The following SEC61A2 variants were observed in gnomAD, a reference collection of about 807,000 sequenced individuals.
SEC61A2 encodes protein transport protein Sec61 subunit alpha isoform 2.
SEC61A2 carries 28 observed loss-of-function variants against 59.9 expected under a neutral mutation model. The ratio of observed to expected loss-of-function variants is 0.47; its 90% CI spans 0.35 to 0.64. The LOEUF is 0.64. Among genes scored for constraint, SEC61A2 ranks in the 30% least tolerant of loss-of-function variants. The pLI, the probability that SEC61A2 is intolerant of heterozygous loss-of-function variation, is 0.01. For missense variants in SEC61A2, 340 were observed against 585.9 expected, an observed-to-expected ratio of 0.58 and a Z score of 4.33; for synonymous variants, 202 against 214.4, an observed-to-expected ratio of 0.94 and a Z score of 0.50.
At chr10:12,165,421 C>G (rs759453848), downstream of SEC61A2, 88 of 918,164 alleles carry the variant, frequency 9.6e-5, no homozygotes, top group Non-Finnish European at 1.1e-4. Flanking sequence ...TTTCTAAGAT[C>G]ATTTGTATAG....
intron 2 of SEC61A2, among the ~76,000 whole-genome samples, chr10:12,134,884 G>T (rs1209823874): frequency 6.6e-6 from 1 of 151,132 alleles, no homozygotes; most frequent in South Asian, 2.1e-4. Context: ...GCGCCACTGC[G>T]CTGCAGCCTG....
chr10:12,157,119 T>C, intron 8 of SEC61A2, 52 bp downstream of exon 8: 1 of 1,546,046 alleles, frequency 6.5e-7, no homozygotes, highest in Non-Finnish European at 8.9e-7. Context: ...TTTATTTTGC[T>C]CTTAAAGAGA....
rs1336018945 is a variant in SEC61A2, at chr10:12,143,076, A to C, written c.142-41A>C. The stretch of plus-strand genomic sequence containing the variant: ...CAAGCGATTCTTATGCCTCAGCCTT[A>C]TATAATACAGTTTCATAAACTATTT... On this transcript the variant is annotated intron_variant, in intron 3 of 11. Coordinates refer to ENST00000298428, the MANE Select transcript of SEC61A2 (RefSeq NM_018144.4). The surrounding 1 kb of genome is among the most constrained non-coding windows in gnomAD (Gnocchi z 4.8). 2 of 1,488,306 alleles carry C rather than the reference A, an allele frequency of 1.3e-6. No individual in the cohort carries two copies. Among genetic ancestry groups the C allele is most frequent in the Non-Finnish European group, 1.9e-6 (2 of 1,065,826 alleles). The allele number at this position is 1,488,306 out of a possible 1,614,324, so 92.2% of individuals were successfully genotyped here.
In SEC61A2 at chr10:12,156,981, C is replaced by A. The variant is rs777079147; in HGVS notation, c.691C>A (p.Arg231=). Residue 231 remains arginine (R), a synonymous_variant, in exon 8 of 12, where the codon CGG becomes AGG. Transcript: ENST00000298428. This position sits in a 1 kb window ranked among gnomAD's most constrained non-coding sequence, Gnocchi z 5.2. ...ATRTDKVRAL[R]EAFYRQNLPN... ...CAGGACGGACAAAGTCCGAGCTTTACGGGAGGCTTTTTATCGGCAGAACTT... is the reference window on the plus strand; with the variant it reads ...CAGGACGGACAAAGTCCGAGCTTTAAGGGAGGCTTTTTATCGGCAGAACTT... 1 of 1,613,996 alleles carries A rather than the reference C, an allele frequency of 6.2e-7. No individual in the cohort carries two copies. Among genetic ancestry groups the A allele is most frequent in the Admixed American group, 1.7e-5 (1 of 59,998 alleles).
Position 12,161,173 on chromosome 10 carries a change from C to T in SEC61A2, c.1167+52C>T. 1 of 1,439,896 alleles carries T rather than the reference C, an allele frequency of 6.9e-7. No homozygotes were observed. The highest frequency in any genetic ancestry group is 9.5e-7 in the Non-Finnish European group (1 of 1,049,380). 89.2% of individuals were successfully genotyped at this position (1,439,896 alleles called of 1,614,324 possible). A position where few individuals can be genotyped will look rare whatever the true frequency, so the allele number is the denominator to read the frequency against. ...AAACTCTTGGCAATGCATGGTGGCG[C>T]ACATCTGTAATCGTAGCACTTTGGC... is the stretch of plus-strand genomic sequence containing the variant. On this transcript the variant is annotated intron_variant, in intron 10 of 11. Coordinates refer to ENST00000298428, the MANE Select transcript of SEC61A2 (RefSeq NM_018144.4). This position sits in a 1 kb window ranked among gnomAD's most constrained non-coding sequence, Gnocchi z 5.4.
chr10:12,156,870 G>C lies in SEC61A2; in HGVS notation c.617-37G>C. On this transcript the variant is annotated intron_variant, in intron 7 of 11. Transcript: ENST00000298428. This position sits in a 1 kb window ranked among gnomAD's most constrained non-coding sequence, Gnocchi z 5.2. ...TTTGAGCTTTGGGACAGCTTTGGAC[G>C]ATGAGTCCACAGGTCGTGTCTGTCT... 1 of 1,602,614 alleles carries C rather than the reference G, an allele frequency of 6.2e-7. No homozygotes were observed. The highest frequency in any genetic ancestry group is 8.5e-7 in the Non-Finnish European group (1 of 1,175,912).
chr10:12,129,891 G>A lies in SEC61A2; in HGVS notation c.7+97G>A. On this transcript the variant is annotated intron_variant, in intron 1 of 11. Transcript: ENST00000298428. This position sits in a 1 kb window ranked among gnomAD's most constrained non-coding sequence, Gnocchi z 5.6. ...CTGGCGCTCGCTCGGAGTCGTGGGG[G>A]CCAGGGATGCGCGGGCCGCTCCGGG... 1 of 1,122,112 alleles carries A rather than the reference G, an allele frequency of 8.9e-7. No individual in the cohort carries two copies. The highest frequency in any genetic ancestry group is 1.2e-6 in the Non-Finnish European group (1 of 863,420). The allele number at this position is 1,122,112 out of a possible 1,614,324, so 69.5% of individuals were successfully genotyped here.
intron 6 of SEC61A2, among the ~76,000 whole-genome samples, chr10:12,151,612 G>T (rs1834278020): frequency 6.6e-6 from 1 of 151,634 alleles, no homozygotes; most frequent in Non-Finnish European, 1.5e-5. Context: ...GCCCGGCCAG[G>T]TATTTTTTTC....
chr10:12,153,360 C>T lies in SEC61A2; in HGVS notation c.463-2418C>T, dbSNP rs553324901. Among the ~76,000 whole-genome samples the T allele has an allele frequency of 6.6e-6, 1 of 152,226 alleles. No homozygotes were observed. Among genetic ancestry groups the T allele is most frequent in the Admixed American group, 6.5e-5 (1 of 15,290 alleles). ...ATTTTTAGAAGACACTTAGAACTGG[C>T]ATGTAGCTCGTAGAACATTATACAT... On this transcript the variant is annotated intron_variant, in intron 6 of 11. Transcript: ENST00000298428. The surrounding 1 kb of genome is among the most constrained non-coding windows in gnomAD (Gnocchi z 5.2).
chr10:12,134,787 G>A (rs1021533341), intron 2 of SEC61A2, among the ~76,000 whole-genome samples: 6 of 151,994 alleles, frequency 3.9e-5, no homozygotes, highest in South Asian at 2.1e-4. Flanking sequence ...GCGTGGTGGC[G>A]TGCGCCTGTA....
chr10:12,136,554 CTCT>C (rs1330665559), intron 3 of SEC61A2, among the ~76,000 whole-genome samples: 1 of 151,984 alleles, frequency 6.6e-6, no homozygotes, highest in Non-Finnish European at 1.5e-5. Context: ...GTTCAAGTGA[CTCT>C]TCTTCCTTGG....
intron 3 of SEC61A2, among the ~76,000 whole-genome samples, chr10:12,139,253 C>T (rs934664865): frequency 3.3e-5 from 5 of 151,410 alleles, no homozygotes; most frequent in Non-Finnish European, 1.5e-5. Context: ...TGAGCCACCA[C>T]GCCCGGCCCT....
Position 12,160,823 on chromosome 10 carries a change from T to C in SEC61A2, c.976-107T>C. 1.1e-6 allele frequency: 1 copy of C among 883,430 alleles called. No homozygotes were observed. The highest frequency in any genetic ancestry group is 1.8e-6 in the Non-Finnish European group (1 of 567,592). 54.7% of individuals were successfully genotyped at this position (883,430 alleles called of 1,614,324 possible). On this transcript the variant is annotated intron_variant, in intron 9 of 11. Transcript: ENST00000298428. The surrounding 1 kb of genome is among the most constrained non-coding windows in gnomAD (Gnocchi z 4.1). ...ACTACATAGAATGACTAGCTGTAGATGCCTTGAACTTAAAACACTGTCATT... is the reference window on the plus strand; with the variant it reads ...ACTACATAGAATGACTAGCTGTAGACGCCTTGAACTTAAAACACTGTCATT...
At chr10:12,169,591 T>C (rs9633765), downstream of SEC61A2, 144,137 of 336,828 alleles carry the variant, frequency 0.43, 31,385 homozygotes, top group East Asian at 0.52. This position sits in a 1 kb window ranked among gnomAD's most constrained non-coding sequence, Gnocchi z 4.8. Context: ...TTCAGTATGA[T>C]TGTTCTAACT....
chr10:12,158,345 C>T lies in SEC61A2; in HGVS notation c.975+240C>T, dbSNP rs182166553. 4.7e-5 allele frequency: 22 copies of T among 463,708 alleles called. No homozygotes were observed. Among genetic ancestry groups the T allele is most frequent in the Middle Eastern group, 1.1e-3 (2 of 1,762 alleles). 28.7% of individuals were successfully genotyped at this position (463,708 alleles called of 1,614,324 possible). On this transcript the variant is annotated intron_variant, in intron 9 of 11. Transcript: ENST00000298428. This position sits in a 1 kb window ranked among gnomAD's most constrained non-coding sequence, Gnocchi z 5.7. The stretch of plus-strand genomic sequence containing the variant: ...CACTTTCACATCTCATTTGAATGAC[C>T]TTTTAAGCTAAAATTGTGGTTGATT...
At position 12,129,710 on chromosome 10, in the gene SEC61A2, C is replaced by G; in HGVS notation, c.-78C>G. Reference sequence around the variant, plus strand: ...GGTAGGATCGCGTCGGGAGCCGGTACCGAGGCCCGAGCCGCGGGAGTCGAG... The same window carrying G: ...GGTAGGATCGCGTCGGGAGCCGGTAGCGAGGCCCGAGCCGCGGGAGTCGAG... On this transcript the variant is annotated 5_prime_UTR_variant, in exon 1 of 12. Coordinates refer to ENST00000298428, the MANE Select transcript of SEC61A2 (RefSeq NM_018144.4). This position sits in a 1 kb window ranked among gnomAD's most constrained non-coding sequence, Gnocchi z 5.6. 7.2e-7 allele frequency: 1 copy of G among 1,397,316 alleles called. No individual in the cohort carries two copies. 86.6% of individuals were successfully genotyped at this position (1,397,316 alleles called of 1,614,324 possible).
Position 12,157,015 on chromosome 10 carries a change from T to C in SEC61A2, c.725T>C (p.Leu242Pro). The C allele has an allele frequency of 6.2e-7, 1 of 1,614,150 alleles. No homozygotes were observed. The highest frequency in any genetic ancestry group is 8.5e-7 in the Non-Finnish European group (1 of 1,179,994). ...TTTTATCGGCAGAACTTACCCAATC[T>C]CATGAACCTCATTGCTACAGTTTTT... is the stretch of plus-strand genomic sequence containing the variant. ...EAFYRQNLPN[L>P]MNLIATVFVF... is the part of the protein sequence containing the mutation. Residue 242 changes from leucine to proline, a missense_variant, in exon 8 of 12, where the codon CTC becomes CCC. Transcript: ENST00000298428.
In SEC61A2 at chr10:12,160,514, G is replaced by C. The variant is rs1238420818; in HGVS notation, c.976-416G>C. Among the ~76,000 whole-genome samples, 1 of 152,156 alleles carries C rather than the reference G, an allele frequency of 6.6e-6. No homozygotes were observed. Among genetic ancestry groups the C allele is most frequent in the Non-Finnish European group, 1.5e-5 (1 of 68,030 alleles). The stretch of plus-strand genomic sequence containing the variant: ...GGCAGCAAGTTAAAGTCTTATGTCA[G>C]TATTTTAGTTGATTGCATTAATATT... On this transcript the variant is annotated intron_variant, in intron 9 of 11. Transcript: ENST00000298428. This position sits in a 1 kb window ranked among gnomAD's most constrained non-coding sequence, Gnocchi z 4.1.
chr10:12,164,163 G>C lies in SEC61A2; in HGVS notation c.1245-105G>C. ...CCTGTTCCCTCTGGAGTTCAGGGAG[G>C]CTTTAGACCCAGCTATGGCTGCTGC... On this transcript the variant is annotated intron_variant, in intron 11 of 11. Coordinates refer to ENST00000298428, the MANE Select transcript of SEC61A2 (RefSeq NM_018144.4). This position sits in a 1 kb window ranked among gnomAD's most constrained non-coding sequence, Gnocchi z 7.3. 7.5e-7 allele frequency: 1 copy of C among 1,330,156 alleles called. No individual in the cohort carries two copies. The highest frequency in any genetic ancestry group is 2.6e-4 in the Middle Eastern group (1 of 3,886). The allele number at this position is 1,330,156 out of a possible 1,614,324, so 82.4% of individuals were successfully genotyped here.
Sources: allele counts gnomAD v4.1 joint callset (sites outside exome capture counted in the v4.1 genomes callset), GRCh38; gene constraint gnomAD v4.1.1; non-coding constraint Gnocchi (gnomAD v3.1); transcripts MANE v1.5; gene names NCBI Gene and HGNC (gene_info 2026-07-23, HGNC 2026-07-21).